Variants in AAMDC observed in about 807,000 individuals in gnomAD.
AAMDC encodes the protein adipogenesis associated Mth938 domain containing, also known as mth938 domain-containing protein.
Under a neutral mutation model 15.5 loss-of-function variants are expected in AAMDC, and 16 were observed. That is an observed-to-expected ratio of 1.03 (90% CI 0.70 to 1.57). The LOEUF (loss-of-function observed/expected upper bound fraction) is 1.57, where lower values mean the gene tolerates loss of function less well. AAMDC is among the 40% of genes most tolerant of loss of function. The pLI is 0.00. For missense variants in AAMDC, 141 were observed against 144.9 expected (o/e 0.97, Z 0.14); for synonymous variants, 51 against 51.6 (o/e 0.99, Z 0.05).
chr11:77,888,433 T>A (rs1447215240), intron 5 of AAMDC, among the ~76,000 whole-genome samples: 2 of 152,182 alleles, frequency 1.3e-5, no homozygotes, highest in Admixed American at 1.3e-4. Context: ...TCAAGATGGA[T>A]TAAAGACTTA....
intron 5 of AAMDC, among the ~76,000 whole-genome samples, chr11:77,880,364 A>G (rs898723843): frequency 6.6e-6 from 1 of 152,168 alleles, no homozygotes; most frequent in African/African-American, 2.4e-5. Flanking sequence ...CAGTCAGCCC[A>G]AGGCCAGAGC....
At chr11:77,863,170 G>A (rs1362416147) in intron 2 of AAMDC, among the ~76,000 whole-genome samples, 1 of 152,126 alleles carries the variant, frequency 6.6e-6, no homozygotes, top group East Asian at 1.9e-4. Flanking sequence ...GAGAACCGTG[G>A]AACCCAGTGA....
chr11:77,901,519 C>G (rs1187542068), downstream of AAMDC: 1 of 1,611,000 alleles, frequency 6.2e-7, no homozygotes, highest in Non-Finnish European at 8.5e-7. Context: ...CACCACTGTA[C>G]ATGAATTCCA....
At chr11:77,832,552 C>T (rs1271449758) in intron 1 of AAMDC, among the ~76,000 whole-genome samples, 7 of 151,904 alleles carry the variant, frequency 4.6e-5, no homozygotes, top group African/African-American at 1.5e-4. Context: ...TCTGAAACTC[C>T]GGACCTCAGG....
At chr11:77,895,546 A>AC (rs1952480409) in intron 5 of AAMDC, among the ~76,000 whole-genome samples, 1 of 148,056 alleles carries the variant, frequency 6.8e-6, no homozygotes, top group Non-Finnish European at 1.5e-5. Context: ...AAAAAAAAAA[A>AC]AAAAAAAAAA....
chr11:77,891,117 TGAGACTCA>T, intron 5 of AAMDC, among the ~76,000 whole-genome samples: 1 of 152,190 alleles, frequency 6.6e-6, no homozygotes, highest in Admixed American at 6.5e-5. Context: ...TTGTAGAATC[TGAGACTCA>T]GAGTTTAAAG....
At chr11:77,860,020 A>T (rs907134290) in intron 2 of AAMDC, among the ~76,000 whole-genome samples, 3 of 152,214 alleles carry the variant, frequency 2.0e-5, no homozygotes, top group Admixed American at 6.5e-5. Context: ...ACCCATAAAC[A>T]ATGAGGCCAA....
chr11:77,823,314 G>A (rs1343714678), intron 1 of AAMDC, among the ~76,000 whole-genome samples: 2 of 151,552 alleles, frequency 1.3e-5, no homozygotes, highest in African/African-American at 2.4e-5. Flanking sequence ...TTAATAAGTC[G>A]GAAAATATTG....
chr11:77,889,198 G>A (rs1215974936), intron 5 of AAMDC, among the ~76,000 whole-genome samples: 3 of 152,114 alleles, frequency 2.0e-5, no homozygotes, highest in Admixed American at 1.3e-4. Context: ...ACGATAGACT[G>A]GATTAAGAAA....
At chr11:77,856,236 C>A (rs887098491) in intron 2 of AAMDC, among the ~76,000 whole-genome samples, 3 of 152,234 alleles carry the variant, frequency 2.0e-5, no homozygotes, top group Admixed American at 6.5e-5. Context: ...AAGCATAGCA[C>A]AAGTAACCTT....
At chr11:77,903,418 A>G, downstream of AAMDC, 3 of 1,607,042 alleles carry the variant, frequency 1.9e-6, no homozygotes, top group Non-Finnish European at 2.6e-6. Context: ...GGGCAGCTAC[A>G]TGCCACAACT....
intron 5 of AAMDC, among the ~76,000 whole-genome samples, chr11:77,899,946 C>T (rs1952704213): frequency 6.6e-6 from 1 of 151,730 alleles, no homozygotes; most frequent in African/African-American, 2.4e-5. Context: ...CTTCACTTAC[C>T]CTGTAATATT....
chr11:77,866,270 C>T (rs1356626038), intron 2 of AAMDC: 1 of 152,018 alleles, frequency 6.6e-6, no homozygotes, highest in African/African-American at 2.4e-5. Context: ...TAATAGCTTC[C>T]CCCGCAGAAA....
intron 5 of AAMDC, among the ~76,000 whole-genome samples, chr11:77,883,620 A>C (rs546437667): frequency 1.2e-4 from 19 of 152,112 alleles, no homozygotes; most frequent in Non-Finnish European, 2.6e-4. Flanking sequence ...ACAGAATCTT[A>C]TCTCTCATGC....
intron 1 of AAMDC, among the ~76,000 whole-genome samples, chr11:77,837,560 C>T (rs1031157876): frequency 6.6e-5 from 10 of 151,950 alleles, no homozygotes; most frequent in Admixed American, 2.6e-4. Flanking sequence ...CTCAGCATCC[C>T]GGGTAGATAG....
At chr11:77,829,644 A>G (rs140041554) in intron 1 of AAMDC, 120 of 152,368 alleles carry the variant, frequency 7.9e-4, no homozygotes, top group African/African-American at 2.7e-3. Context: ...ACCTGAAACT[A>G]AAACTCTTAG....
chr11:77,890,263 G>A (rs1344017492), intron 5 of AAMDC, among the ~76,000 whole-genome samples: 1 of 152,144 alleles, frequency 6.6e-6, no homozygotes, highest in African/African-American at 2.4e-5. Flanking sequence ...AAGCCAGAAG[G>A]CCTGTTCCTC....
intron 5 of AAMDC, among the ~76,000 whole-genome samples, chr11:77,898,422 A>G (rs1952624683): frequency 6.6e-6 from 1 of 152,160 alleles, no homozygotes; most frequent in East Asian, 1.9e-4. Flanking sequence ...TTGGACTCCC[A>G]AAGTGATGGG....
chr11:77,892,028 CT>C (rs1952294024), intron 5 of AAMDC, among the ~76,000 whole-genome samples: 2 of 152,182 alleles, frequency 1.3e-5, no homozygotes, highest in Admixed American at 1.3e-4. Context: ...AGAAAGGCCT[CT>C]GTTTATTGAT....
Sources: allele counts gnomAD v4.1 joint callset (sites outside exome capture counted in the v4.1 genomes callset), GRCh38; gene constraint gnomAD v4.1.1; transcripts MANE v1.5; gene names NCBI Gene and HGNC (gene_info 2026-07-23, HGNC 2026-07-21).